Variants in MKI67 observed in about 807,000 individuals in gnomAD.
MKI67 encodes proliferation marker protein Ki-67.
Under a neutral mutation model 233.5 loss-of-function variants are expected in MKI67, and 152 were observed. The observed-to-expected ratio is 0.65, with a 90% CI of 0.57 to 0.74. The LOEUF (loss-of-function observed/expected upper bound fraction) is 0.74. Ranked by LOEUF, MKI67 falls within the 30% of genes least tolerant of loss-of-function variation. The pLI is 0.00. For missense variants in MKI67, 3,940 were observed against 3,885.2 expected, an observed-to-expected ratio of 1.01 and a Z score of -0.37; for synonymous variants, 1,465 against 1,418.5, an observed-to-expected ratio of 1.03 and a Z score of -0.74.
In MKI67 at chr10:128,110,468, C is replaced by T. The variant is rs982573388; in HGVS notation, c.2326G>A (p.Ala776Thr). 13 of 1,588,288 alleles carry T rather than the reference C, an allele frequency of 8.2e-6. No individual in the cohort carries two copies. The highest frequency in any genetic ancestry group is 2.7e-5 in the African/African-American group (2 of 74,642). ...QPQLTSTCHI[A>T]ISNSENLLGK... ...AGCAAATTCTCTGAATTTGAAATAG[C>T]GATGTGACATGTGCTTGTCAACTGC... is the stretch of plus-strand genomic sequence containing the variant. The change falls in exon 12 of 15, where the codon GCT (alanine) becomes ACT (threonine). Residue 776 changes from alanine to threonine, a missense_variant. Ala to Thr is a moderately conservative substitution (Grantham distance 58). Transcript: ENST00000368654.
chr10:128,106,815 T>C lies in MKI67; in HGVS notation c.5025A>G (p.Ala1675=), dbSNP rs777435125. The change falls in exon 13 of 15, where the codon GCA becomes GCG. Residue 1675 remains alanine (A), a synonymous_variant. Coordinates refer to ENST00000368654, the MANE Select transcript of MKI67 (RefSeq NM_002417.5). ...EPTGDGKSMK[A]FMESPKQILD... is the part of the protein sequence containing the mutation. Reference sequence around the variant, plus strand: ...AGATCTGCTTTGGAGACTCCATAAATGCTTTCATGCTCTTACCATCTCCTG... The same window carrying C: ...AGATCTGCTTTGGAGACTCCATAAACGCTTTCATGCTCTTACCATCTCCTG... 1 of 1,614,124 alleles carries C rather than the reference T, an allele frequency of 6.2e-7. No homozygotes were observed. Among genetic ancestry groups the C allele is most frequent in the East Asian group, 2.2e-5 (1 of 44,872 alleles).
chr10:128,108,122 A>G lies in MKI67; in HGVS notation c.3718T>C (p.Leu1240=), dbSNP rs779676234. 4.4e-6 allele frequency: 7 copies of G among 1,605,466 alleles called. No individual in the cohort carries two copies. The South Asian group carries it at 7.7e-5, about 18-fold the overall frequency. ...TTAGTGGTTTTACCAGCAGCCACTA[A>G]TTCCTCGGTGTGACCAGGAGTCTGG... is the stretch of plus-strand genomic sequence containing the variant. ...LFQTPGHTEE[L]VAAGKTTKIP... Residue 1240 remains leucine, a synonymous_variant, in exon 13 of 15, where the codon TTA becomes CTA. Coordinates refer to ENST00000368654, the MANE Select transcript of MKI67 (RefSeq NM_002417.5).
Position 128,102,650 on chromosome 10 carries a change from C to T in MKI67, c.9190G>A (p.Glu3064Lys). 2 of 1,614,222 alleles carry T rather than the reference C, an allele frequency of 1.2e-6. No individual in the cohort carries two copies. The highest frequency in any genetic ancestry group is 1.7e-6 in the Non-Finnish European group (2 of 1,180,032). ...GTTTTCATGTCGTTGCTGTTCAGCTCTTCCGCAGGTTCAATTCTTTTTGCA... is the reference window on the plus strand; with the variant it reads ...GTTTTCATGTCGTTGCTGTTCAGCTTTTCCGCAGGTTCAATTCTTTTTGCA... Reference protein sequence around the residue: ...TSAKRIEPAEELNSNDMKTNK... With the variant: ...TSAKRIEPAEKLNSNDMKTNK... Residue 3064 changes from glutamate (E) to lysine (K), a missense_variant, in exon 13 of 15, where the codon GAG (glutamate) becomes AAG (lysine). Physicochemically the swap from Glu to Lys is moderately conservative, Grantham distance 56 (BLOSUM62 1). Transcript: ENST00000368654.
chr10:128,106,422 C>A lies in MKI67; in HGVS notation c.5418G>T (p.Leu1806=). The A allele has an allele frequency of 6.2e-7, 1 of 1,613,492 alleles. No individual in the cohort carries two copies. The highest frequency in any genetic ancestry group is 8.5e-7 in the Non-Finnish European group (1 of 1,179,924). ...NTFLGTPVQK[L]DQPGNLPGSN... is the part of the protein sequence containing the mutation. ...TGCCAGGTAAATTTCCTGGCTGGTC[C>A]AGTTTCTGCACTGGAGTTCCCAAAA... The change falls in exon 13 of 15, where the codon CTG becomes CTT. Residue 1806 remains leucine (L), a synonymous_variant. Transcript: ENST00000368654.
At position 128,104,462 on chromosome 10, in the gene MKI67, T is replaced by G; in HGVS notation, c.7378A>C (p.Thr2460Pro). Residue 2460 changes from threonine (T) to proline (P), a missense_variant, in exon 13 of 15, where the codon ACA (threonine) becomes CCA (proline). Coordinates refer to ENST00000368654, the MANE Select transcript of MKI67 (RefSeq NM_002417.5). ...TGTGGAGATTTACAGGATACTTCTG[T>G]GATTTTGTCATCAGTCATTGATTCC... is the stretch of plus-strand genomic sequence containing the variant. ...TEESMTDDKI[T>P]EVSCKSPQPE... 6.2e-7 allele frequency: 1 copy of G among 1,614,062 alleles called. No individual in the cohort carries two copies. The highest frequency in any genetic ancestry group is 1.1e-5 in the South Asian group (1 of 91,078).
chr10:128,105,573 A>T lies in MKI67; in HGVS notation c.6267T>A (p.Thr2089=). 6.2e-7 allele frequency: 1 copy of T among 1,613,832 alleles called. No individual in the cohort carries two copies. Among genetic ancestry groups the T allele is most frequent in the South Asian group, 1.1e-5 (1 of 91,068 alleles). The change falls in exon 13 of 15, where the codon ACT becomes ACA. Residue 2089 remains threonine, a synonymous_variant. Transcript: ENST00000368654. The stretch of plus-strand genomic sequence containing the variant: ...TTTTGTCATCAGTTGTTGATTCCTC[A>T]GTGTGGTCTGGTGTCTGGAAGAGCT... ...FKELFQTPDH[T]EESTTDDKTT...
In MKI67 at chr10:128,107,736, A is replaced by C. The variant is rs781391052; in HGVS notation, c.4104T>G (p.Thr1368=). ...GAGAAGATTCGCAGGGCATTTTAGT[A>C]GTTTTGCCAGCAGCCACTGCTTCTT... ...HTEEAVAAGK[T]TKMPCESSPP... The change falls in exon 13 of 15, where the codon ACT becomes ACG. Residue 1368 remains threonine (T), a synonymous_variant. Coordinates refer to ENST00000368654, the MANE Select transcript of MKI67 (RefSeq NM_002417.5). The C allele has an allele frequency of 1.9e-6, 3 of 1,612,716 alleles. No individual in the cohort carries two copies. The South Asian group carries it at 3.3e-5, about 18-fold the overall frequency.
In MKI67 at chr10:128,099,132, G is replaced by T; in HGVS notation, c.*58C>A. 7.5e-7 allele frequency: 1 copy of T among 1,334,760 alleles called. No homozygotes were observed. The highest frequency in any genetic ancestry group is 1.1e-6 in the Non-Finnish European group (1 of 940,472). The allele number at this position is 1,334,760 out of a possible 1,614,324, so 82.7% of individuals were successfully genotyped here. ...TCACTTGTAATTTATGACAAAAACT[G>T]CACTAGAACTTATCACAAAACTAAC... On this transcript the variant is annotated 3_prime_UTR_variant, in exon 15 of 15. Coordinates refer to ENST00000368654, the MANE Select transcript of MKI67 (RefSeq NM_002417.5).
At position 128,101,521 on chromosome 10, in the gene MKI67, T is replaced by G. The variant is rs780107038; in HGVS notation, c.9442A>C (p.Lys3148Gln). 6 of 1,614,128 alleles carry G rather than the reference T, an allele frequency of 3.7e-6. No individual in the cohort carries two copies. The African/African-American group carries it at 8.0e-5, about 22-fold the overall frequency. ...DGARKPIPRD[K>Q]VTENKRCLRS... ...AAGCACCTTTTGTTCTCAGTGACTT[T>G]GTCTCTAGGTATGGGTTTCCGGGCT... Residue 3148 changes from lysine to glutamine, a missense_variant, in exon 14 of 15, where the codon AAA becomes CAA. Physicochemically the swap from Lys to Gln is moderately conservative, Grantham distance 53. Coordinates refer to ENST00000368654, the MANE Select transcript of MKI67 (RefSeq NM_002417.5).
Position 128,104,662 on chromosome 10 carries a change from G to C in MKI67, c.7178C>G (p.Ala2393Gly), listed in dbSNP as rs759205077. Reference protein sequence around the residue: ...AGKAMDTPKPAVSDEKNINTF... With the variant: ...AGKAMDTPKPGVSDEKNINTF... The stretch of plus-strand genomic sequence containing the variant: ...GTTGATATTTTTCTCATCACTTACT[G>C]CTGGTTTTGGTGTGTCCATGGCTTT... The change falls in exon 13 of 15, where the codon GCA (alanine) becomes GGA (glycine). Residue 2393 changes from alanine to glycine, a missense_variant. Coordinates refer to ENST00000368654, the MANE Select transcript of MKI67 (RefSeq NM_002417.5). 1.9e-6 allele frequency: 3 copies of C among 1,613,886 alleles called. No homozygotes were observed. The highest frequency in any genetic ancestry group is 4.5e-5 in the East Asian group (2 of 44,846).
chr10:128,113,623 G>A (rs1852730029), intron 7 of MKI67, 21 bp from the exon 8 acceptor site: 2 of 1,604,828 alleles, frequency 1.2e-6, no homozygotes, highest in South Asian at 1.1e-5. Context: ...GGATACAAAT[G>A]TGGAAAGAGC....
chr10:128,104,580 G>C lies in MKI67; in HGVS notation c.7260C>G (p.Ser2420Arg). The change falls in exon 13 of 15, where the codon AGC (serine) becomes AGG (arginine). Residue 2420 changes from serine to arginine, a missense_variant. Coordinates refer to ENST00000368654, the MANE Select transcript of MKI67 (RefSeq NM_002417.5). ...CCTTAGGAGTCTGTGGCTGTCTCTT[G>C]CTGCCAGGTAAATTTCCTAGCAGGT... ...KLDLLGNLPG[S>R]KRQPQTPKEK... The C allele has an allele frequency of 6.2e-7, 1 of 1,614,044 alleles. No homozygotes were observed. Among genetic ancestry groups the C allele is most frequent in the African/African-American group, 1.3e-5 (1 of 74,994 alleles).
In MKI67 at chr10:128,126,151, G is replaced by A. The variant is rs1045746918; in HGVS notation, c.-142C>T. The A allele has an allele frequency of 6.2e-6, 1 of 160,086 alleles. No homozygotes were observed. The highest frequency in any genetic ancestry group is 1.4e-5 in the Non-Finnish European group (1 of 73,326). The allele number at this position is 160,086 out of a possible 1,614,324, so 9.9% of individuals were successfully genotyped here. A position where few individuals can be genotyped will look rare whatever the true frequency, so the allele number is the denominator to read the frequency against. ...TTGTCGAACCACCGCTCGTCAAGTCGCACCCAAAGTCCGCCGCAGGAGGAG... is the reference window on the plus strand; with the variant it reads ...TTGTCGAACCACCGCTCGTCAAGTCACACCCAAAGTCCGCCGCAGGAGGAG... On this transcript the variant is annotated 5_prime_UTR_variant, in exon 1 of 15. Coordinates refer to ENST00000368654, the MANE Select transcript of MKI67 (RefSeq NM_002417.5).
chr10:128,107,644 T>A lies in MKI67; in HGVS notation c.4196A>T (p.Asp1399Val). The A allele has an allele frequency of 6.2e-7, 1 of 1,614,108 alleles. No individual in the cohort carries two copies. The highest frequency in any genetic ancestry group is 8.5e-7 in the Non-Finnish European group (1 of 1,180,026). Residue 1399 changes from aspartate (D) to valine (V), a missense_variant, in exon 13 of 15, where the codon GAC becomes GTC. Asp to Val is a radical substitution (Grantham distance 152). Transcript: ENST00000368654. ...RQPKTPLEKR[D>V]VQKELSALKK... ...CAGGGCTGAGAGCTCCTTCTGTACG[T>A]CCCTTTTCTCCAAAGGTGTCTTGGG...
chr10:128,117,744 A>G (rs1182938716), intron 5 of MKI67, among the ~76,000 whole-genome samples: 1 of 152,246 alleles, frequency 6.6e-6, no homozygotes, highest in Non-Finnish European at 1.5e-5. Flanking sequence ...TGACTAAACA[A>G]TATAAATGAA....
rs773706101 is a variant in MKI67, at chr10:128,112,265, CCT to C, written c.1835_1836del (p.Glu612GlyfsTer3). On this transcript the variant is annotated frameshift_variant, in exon 9 of 15. Coordinates refer to ENST00000368654, the MANE Select transcript of MKI67 (RefSeq NM_002417.5). LOFTEE classifies it high-confidence loss of function. ...APASSSKSQT[E>X]VPKRGGRKSG... is the part of the protein sequence containing the mutation. ...CTCTTTCTCCCTCCTCTCTTAGGAACCTCTGTCTGAGATTTGCTGCTGGAAGC... is the reference window on the plus strand; with the variant it reads ...CTCTTTCTCCCTCCTCTCTTAGGAACCTGTCTGAGATTTGCTGCTGGAAGC... 1 of 1,614,222 alleles carries C rather than the reference CCT, an allele frequency of 6.2e-7. No homozygotes were observed. The highest frequency in any genetic ancestry group is 1.7e-5 in the Admixed American group (1 of 60,026).
chr10:128,102,684 C>T lies in MKI67; in HGVS notation c.9156G>A (p.Leu3052=). The change falls in exon 13 of 15, where the codon TTG becomes TTA. Residue 3052 remains leucine, a synonymous_variant. Coordinates refer to ENST00000368654, the MANE Select transcript of MKI67 (RefSeq NM_002417.5). ...SEPVVIMKRS[L]RTSAKRIEPA... ...GTTCAATTCTTTTTGCAGAAGTCCT[C>T]AAACTTCTCTTCATGATGACCACGG... The T allele has an allele frequency of 1.2e-6, 2 of 1,614,232 alleles. No homozygotes were observed. Among genetic ancestry groups the T allele is most frequent in the Non-Finnish European group, 1.7e-6 (2 of 1,180,048 alleles).
In MKI67 at chr10:128,106,796, G is replaced by A; in HGVS notation, c.5044C>T (p.Gln1682Ter). The change falls in exon 13 of 15, where the codon CAG becomes TAG. Residue 1682 changes from glutamine (Q) to a stop codon, truncating the protein, a stop_gained. Coordinates refer to ENST00000368654, the MANE Select transcript of MKI67 (RefSeq NM_002417.5). LOFTEE classifies it high-confidence loss of function. ...AGACTTGCTGCTGAGTCTAAGATCT[G>A]CTTTGGAGACTCCATAAATGCTTTC... ...SMKAFMESPK[Q>*]ILDSAASLTG... 2 of 1,614,108 alleles carry A rather than the reference G, an allele frequency of 1.2e-6. No homozygotes were observed. The highest frequency in any genetic ancestry group is 8.5e-7 in the Non-Finnish European group (1 of 1,180,034).
chr10:128,105,307 T>C lies in MKI67; in HGVS notation c.6533A>G (p.Lys2178Arg). The C allele has an allele frequency of 2.5e-6, 4 of 1,614,150 alleles. No homozygotes were observed. The East Asian group carries it at 8.9e-5, about 36-fold the overall frequency. The change falls in exon 13 of 15, where the codon AAG becomes AGG. Residue 2178 changes from lysine to arginine, a missense_variant. Physicochemically the swap from Lys to Arg is conservative, Grantham distance 26. Transcript: ENST00000368654. ...LDPAASVTGS[K>R]RQPRTPKGKA... ...TCCCTTAGGAGTTCTTGGCTGCCTC[T>C]TGCTACCAGTTACACTTGCTGCTGG...
Sources: allele counts gnomAD v4.1 joint callset (sites outside exome capture counted in the v4.1 genomes callset), GRCh38; gene constraint gnomAD v4.1.1; transcripts MANE v1.5; gene names NCBI Gene and HGNC (gene_info 2026-07-23, HGNC 2026-07-21).